CEACAM7: variants seen among roughly 807,000 people sequenced by gnomAD.
CEACAM7 encodes the protein cell adhesion molecule CEACAM7.
A neutral mutation model predicts 25.7 loss-of-function variants in CEACAM7; 24 were observed. That is an observed-to-expected ratio of 0.93 (90% CI 0.68 to 1.31). The LOEUF (loss-of-function observed/expected upper bound fraction) is 1.31. Among genes scored for constraint, CEACAM7 ranks in the 40% most tolerant of loss-of-function variants. The pLI, the probability that CEACAM7 is intolerant of heterozygous loss-of-function variation, is 0.00. For missense variants in CEACAM7, 324 were observed against 330.1 expected, an observed-to-expected ratio of 0.98 and a Z score of 0.14; for synonymous variants, 144 against 129.4, an observed-to-expected ratio of 1.11 and a Z score of -0.77.
At position 41,679,787 on chromosome 19, in the gene CEACAM7, T is replaced by TTCTC. The variant is rs141768655; in HGVS notation, c.707-2288_707-2285dup. ...TCTTTTTTCTTTTTTCTCTGTCTCT[T>TTCTC]TCTCTCTCTCTCTCTTTTTTTTTTT... On this transcript the variant is annotated intron_variant, in intron 3 of 4. Transcript: ENST00000401731. 7.4e-4 allele frequency among the ~76,000 whole-genome samples: 85 copies of TTCTC among 115,506 alleles called. 1 individual carries two copies. The highest frequency in any genetic ancestry group is 2.1e-3 in the African/African-American group (75 of 35,774). 75.8% of individuals were successfully genotyped at this position (115,506 alleles called of 152,430 possible).
intron 3 of CEACAM7, among the ~76,000 whole-genome samples, chr19:41,678,498 A>T (rs1206796503): frequency 1.3e-5 from 2 of 152,192 alleles, no homozygotes; most frequent in Non-Finnish European, 2.9e-5. Flanking sequence ...ACTGATGATT[A>T]ATAATCACTA....
intron 3 of CEACAM7, among the ~76,000 whole-genome samples, chr19:41,679,801 C>CT (rs34340713): frequency 0.032 from 3,560 of 111,796 alleles, 138 homozygotes; most frequent in African/African-American, 0.056. Context: ...CTCTCTCTCT[C>CT]TTTTTTTTTT....
chr19:41,681,875 G>C (rs1462873468), intron 3 of CEACAM7, among the ~76,000 whole-genome samples: 2 of 152,164 alleles, frequency 1.3e-5, no homozygotes, highest in Admixed American at 6.5e-5. Context: ...GTTTAGCATG[G>C]TGAGTTGAAA....
intron 2 of CEACAM7, 38 bp from the exon 3 acceptor site, chr19:41,684,101 G>GA (rs1450081972): frequency 3.6e-5 from 58 of 1,595,766 alleles, no homozygotes; most frequent in Middle Eastern, 1.7e-4. Context: ...GCCCTGTGTG[G>GA]CCCCTTGGTT....
chr19:41,677,414 A>G lies in CEACAM7; in HGVS notation c.796T>C (p.Ter266GlnextTer42), dbSNP rs1555810220. ...ATGCAGAAACTACACCAAGGCTGCT[A>G]TATCAGAGCCATCCCAGCCAGTACT... ...IGVLAGMALI[*>Q] Residue 266 changes from the stop codon to glutamine (Q), a stop_lost, in exon 4 of 5, where the codon TAG (stop) becomes CAG (glutamine). Coordinates refer to ENST00000401731, the MANE Select transcript of CEACAM7 (RefSeq NM_001291485.2). 9.9e-6 allele frequency: 16 copies of G among 1,611,280 alleles called. No individual in the cohort carries two copies. The highest frequency in any genetic ancestry group is 3.3e-5 in the Admixed American group (2 of 59,994).
chr19:41,680,325 C>T (rs2072162350), intron 3 of CEACAM7, among the ~76,000 whole-genome samples: 1 of 152,004 alleles, frequency 6.6e-6, no homozygotes, highest in African/African-American at 2.4e-5. Context: ...ATTCCATTTT[C>T]ATAGATTGGA....
intron 4 of CEACAM7, among the ~76,000 whole-genome samples, chr19:41,676,342 T>C (rs150542684): frequency 6.6e-6 from 1 of 152,346 alleles, no homozygotes; most frequent in Non-Finnish European, 1.5e-5. Context: ...CTTTTTCTAT[T>C]TTGGTATTAC....
rs782616871 is a variant in CEACAM7 at position 41,688,134 on chromosome 19, A to G, written c.32T>C (p.Val11Ala). 25 of 1,610,964 alleles carry G rather than the reference A, an allele frequency of 1.6e-5. No individual in the cohort carries two copies. The highest frequency in any genetic ancestry group is 2.1e-5 in the Non-Finnish European group (25 of 1,178,392). Residue 11 changes from valine to alanine, a missense_variant, in exon 1 of 5, where the codon GTG (valine) becomes GCG (alanine). By Grantham distance (64) the Val-to-Ala change is moderately conservative. Transcript: ENST00000401731. Reference protein sequence around the residue: MGSPSACPYRVCIPWQGLLLT... With the variant: MGSPSACPYRACIPWQGLLLT... ...CAGGAGCCCCTGCCAGGGAATGCACACTCTGTATGGACAGGCTGAAGGGGA... is the reference window on the plus strand; with the variant it reads ...CAGGAGCCCCTGCCAGGGAATGCACGCTCTGTATGGACAGGCTGAAGGGGA...
chr19:41,685,076 C>T (rs1474838562), intron 2 of CEACAM7, among the ~76,000 whole-genome samples: 2 of 152,184 alleles, frequency 1.3e-5, no homozygotes, highest in African/African-American at 4.8e-5. Flanking sequence ...CCTGCCTAGG[C>T]CGCTGCACCT....
chr19:41,676,892 G>C (rs1474853852), intron 4 of CEACAM7, among the ~76,000 whole-genome samples: 1 of 152,186 alleles, frequency 6.6e-6, no homozygotes, highest in Non-Finnish European at 1.5e-5. Flanking sequence ...TAGTGGTAAA[G>C]GAAGTAAAAA....
At chr19:41,681,351 A>C (rs971013290) in intron 3 of CEACAM7, among the ~76,000 whole-genome samples, 3 of 152,228 alleles carry the variant, frequency 2.0e-5, no homozygotes, top group Non-Finnish European at 4.4e-5. Context: ...GTGCAGCCAC[A>C]GTGGAAAATG....
In CEACAM7 at chr19:41,673,890, A is replaced by G. The variant is rs2072088638; in HGVS notation, c.*886T>C. 1 of 152,368 alleles carries G rather than the reference A, an allele frequency of 6.6e-6. No homozygotes were observed. The highest frequency in any genetic ancestry group is 3.4e-3 in the Middle Eastern group (1 of 294). 9.4% of individuals were successfully genotyped at this position (152,368 alleles called of 1,614,324 possible). A position where few individuals can be genotyped will look rare whatever the true frequency, so the allele number is the denominator to read the frequency against. ...AGAATACAGCACACCAGGGTAACTA[A>G]TATTGTGACAATCAGGAGGATCACA... On this transcript the variant is annotated 3_prime_UTR_variant, in exon 5 of 5. Transcript: ENST00000401731.
At chr19:41,687,525 G>A (rs1242653735) in intron 1 of CEACAM7, among the ~76,000 whole-genome samples, 1 of 152,208 alleles carries the variant, frequency 6.6e-6, no homozygotes, top group Non-Finnish European at 1.5e-5. Flanking sequence ...TAGAAGCCCT[G>A]GGTGTTCCGT....
chr19:41,683,933 G>C lies in CEACAM7; in HGVS notation c.558C>G (p.Leu186=). The part of the protein sequence containing the change: ...TYLWWVNNQS[L]LVSPRLLLST... ...AGAGCAGCAGCCTGGGACTGACCAG[G>C]AGGCTCTGATTGTTTACCCACCACA... Residue 186 remains leucine (L), a synonymous_variant, in exon 3 of 5, where the codon CTC becomes CTG. Transcript: ENST00000401731. 6.2e-7 allele frequency: 1 copy of C among 1,614,234 alleles called. No individual in the cohort carries two copies. The highest frequency in any genetic ancestry group is 8.5e-7 in the Non-Finnish European group (1 of 1,180,034).
intron 4 of CEACAM7, among the ~76,000 whole-genome samples, chr19:41,676,932 A>G (rs1271277297): frequency 1.3e-5 from 2 of 152,218 alleles, no homozygotes; most frequent in Non-Finnish European, 2.9e-5. Flanking sequence ...ATGTGAACTT[A>G]TCTAATGGGC....
At chr19:41,684,218 G>T (rs1555811018) in intron 2 of CEACAM7, among the ~76,000 whole-genome samples, 155 bp from the exon 3 acceptor site, 1 of 152,194 alleles carries the variant, frequency 6.6e-6, no homozygotes, top group African/African-American at 2.4e-5. Flanking sequence ...GATGCACAAT[G>T]ATCTGAGAGC....
rs1164359349 is a variant in CEACAM7, at chr19:41,684,102, C to CA, written c.428-40_428-39insT. 4.2e-3 allele frequency: 6,235 copies of CA among 1,484,784 alleles called. 93 individuals carry two copies. The African/African-American group carries it at 0.083, about 20-fold the overall frequency. The allele number at this position is 1,484,784 out of a possible 1,614,324, so 92.0% of individuals were successfully genotyped here. ...AGAGAGAAAAGATTGCCCTGTGTGG[C>CA]CCCTTGGTTCCCCCACGGACATCTT... On this transcript the variant is annotated intron_variant, in intron 2 of 4. Coordinates refer to ENST00000401731, the MANE Select transcript of CEACAM7 (RefSeq NM_001291485.2).
intron 3 of CEACAM7, among the ~76,000 whole-genome samples, chr19:41,678,645 C>T (rs1555810379): frequency 1.3e-5 from 2 of 152,118 alleles, no homozygotes; most frequent in Non-Finnish European, 2.9e-5. Context: ...AAAACTTACC[C>T]AATGTCATAC....
intron 3 of CEACAM7, among the ~76,000 whole-genome samples, chr19:41,683,260 G>A (rs2072193070): frequency 6.6e-6 from 1 of 152,200 alleles, no homozygotes; most frequent in South Asian, 2.1e-4. Flanking sequence ...GCTCTTGCAT[G>A]TGTTGCAGAA....
Sources: gnomAD v4.1 joint callset for allele counts (sites outside exome capture counted in the v4.1 genomes callset) on GRCh38, gnomAD v4.1.1 for gene constraint, MANE v1.5 for transcripts, NCBI Gene and HGNC (gene_info 2026-07-23, HGNC 2026-07-21) for gene names.